Variants in RALYL observed in about 807,000 individuals in gnomAD.
RALYL encodes the protein RALY RNA binding protein like, also known as RNA-binding Raly-like protein.
In RALYL, 29 loss-of-function variants were observed where a neutral mutation model predicts 35.1. The observed-to-expected ratio is 0.83, with a 90% CI of 0.61 to 1.13. RALYL has a LOEUF of 1.13. Ranked by LOEUF, RALYL falls within the 50% of genes most tolerant of loss-of-function variation. The probability of loss-of-function intolerance (pLI) is 0.00; values close to 1 mark genes in which losing one functional copy is unlikely to be tolerated. For missense variants in RALYL, 359 were observed against 360.4 expected, an observed-to-expected ratio of 1.00 and a Z score of 0.03; for synonymous variants, 120 against 127.6, an observed-to-expected ratio of 0.94 and a Z score of 0.40.
At chr8:84,811,967 C>T (rs1032872985) in intron 4 of RALYL, among the ~76,000 whole-genome samples, 7 of 152,258 alleles carry the variant, frequency 4.6e-5, no homozygotes, top group Admixed American at 4.6e-4. Context: ...CCCTGATTAG[C>T]TTAATAACTA....
At chr8:84,691,628 C>T (rs547152292) in intron 2 of RALYL, among the ~76,000 whole-genome samples, 37 of 152,054 alleles carry the variant, frequency 2.4e-4, no homozygotes, top group African/African-American at 8.4e-4. Flanking sequence ...TTCCTCCCCC[C>T]TCCCCTCATA....
Position 84,419,498 on chromosome 8 carries a change from C to A in RALYL, c.-23-109801C>A, listed in dbSNP as rs368103523. 2.3e-4 allele frequency among the ~76,000 whole-genome samples: 35 copies of A among 152,070 alleles called. No individual in the cohort carries two copies. In the South Asian group the frequency reaches 6.4e-3, roughly 28 times the overall value. On this transcript the variant is annotated intron_variant, in intron 1 of 8. Transcript: ENST00000521268. ...TAATAATTTACTTGGCTAGTACTATCCTGAGAAGTCTATTAGAACTGCTAC... is the reference window on the plus strand; with the variant it reads ...TAATAATTTACTTGGCTAGTACTATACTGAGAAGTCTATTAGAACTGCTAC...
At chr8:84,425,153 C>T (rs983219066) in intron 1 of RALYL, among the ~76,000 whole-genome samples, 4 of 152,196 alleles carry the variant, frequency 2.6e-5, no homozygotes, top group African/African-American at 9.6e-5. Flanking sequence ...CCCAGCCTCG[C>T]TGCTACCTTG....
rs552377862 is a variant in RALYL, at chr8:84,289,417, C to A, written c.-24+104993C>A. Among the ~76,000 whole-genome samples, 11 of 152,214 alleles carry A rather than the reference C, an allele frequency of 7.2e-5. No homozygotes were observed. The East Asian group carries it at 1.9e-3, about 27-fold the overall frequency. The stretch of plus-strand genomic sequence containing the variant: ...CGGAGTTTTTCCAAGCTGAGGAGAA[C>A]CCTAAGGTCTTTTTGATCAATGCTT... On this transcript the variant is annotated intron_variant, in intron 1 of 8. Transcript: ENST00000521268.
chr8:84,627,094 T>C (rs886818358), intron 2 of RALYL, among the ~76,000 whole-genome samples: 10 of 152,102 alleles, frequency 6.6e-5, no homozygotes, highest in Non-Finnish European at 1.3e-4. Context: ...ATATCCAAAA[T>C]CTGTTACAAC....
intron 2 of RALYL, among the ~76,000 whole-genome samples, chr8:84,592,198 C>T (rs1813458442): frequency 6.6e-6 from 1 of 152,154 alleles, no homozygotes; most frequent in Non-Finnish European, 1.5e-5. Flanking sequence ...TCATAACTTG[C>T]TCTGTTTCCA....
In RALYL at chr8:84,834,147, G is replaced by A. The variant is rs1009882983; in HGVS notation, c.366-15833G>A. On this transcript the variant is annotated intron_variant, in intron 4 of 8. Transcript: ENST00000521268. ...CTGTAAATGGACAAGTGTACTCTTC[G>A]ACTACGTGTCACATATGGTTATTCT... is the stretch of plus-strand genomic sequence containing the variant. 9.2e-5 allele frequency among the ~76,000 whole-genome samples: 14 copies of A among 152,090 alleles called. 1 individual carries two copies. The highest frequency in any genetic ancestry group is 5.2e-4 in the Admixed American group (8 of 15,268).
chr8:84,515,629 G>T lies in RALYL; in HGVS notation c.-23-13670G>T, dbSNP rs138511404. Among the ~76,000 whole-genome samples the T allele has an allele frequency of 8.3e-3, 1,261 of 152,114 alleles. 19 individuals are homozygous for T. Among genetic ancestry groups the T allele is most frequent in the African/African-American group, 0.028 (1,172 of 41,482 alleles). On this transcript the variant is annotated intron_variant, in intron 1 of 8. Transcript: ENST00000521268. ...TCTTTCAATCCATTTAATTTACATAGTCTCTTCTATTTGATTTAGATTGTT... is the reference window on the plus strand; with the variant it reads ...TCTTTCAATCCATTTAATTTACATATTCTCTTCTATTTGATTTAGATTGTT...
chr8:84,612,899 T>C (rs1415489440), intron 2 of RALYL, among the ~76,000 whole-genome samples: 1 of 151,688 alleles, frequency 6.6e-6, no homozygotes, highest in Non-Finnish European at 1.5e-5. Flanking sequence ...CACCACTGCA[T>C]GTAAATTGCT....
chr8:84,779,177 A>G (rs1026907187), intron 3 of RALYL, among the ~76,000 whole-genome samples: 1 of 152,222 alleles, frequency 6.6e-6, no homozygotes, highest in African/African-American at 2.4e-5. Context: ...ACATTACACA[A>G]TATCTGTGGC....
intron 2 of RALYL, among the ~76,000 whole-genome samples, chr8:84,697,157 T>C (rs1423346090): frequency 6.6e-6 from 1 of 151,926 alleles, no homozygotes; most frequent in East Asian, 1.9e-4. Flanking sequence ...AAATTGGAAA[T>C]AATTAGAAAT....
In RALYL at chr8:84,751,268, C is replaced by T. The variant is rs540293580; in HGVS notation, c.257-23311C>T. Among the ~76,000 whole-genome samples the T allele has an allele frequency of 4.6e-5, 7 of 152,162 alleles. No individual in the cohort carries two copies. In the South Asian group the frequency reaches 1.0e-3, roughly 23 times the overall value. ...TATCACCCAGGCTAGGGTGCAGTGG[C>T]ATGATCTTGGCTCACTGCAACCTCC... On this transcript the variant is annotated intron_variant, in intron 2 of 8. Transcript: ENST00000521268.
intron 1 of RALYL, among the ~76,000 whole-genome samples, chr8:84,458,259 A>G (rs978127698): frequency 1.3e-5 from 2 of 151,872 alleles, no homozygotes; most frequent in African/African-American, 4.8e-5. Flanking sequence ...CAAAGATGAT[A>G]AATGTGTAGT....
At chr8:84,689,070 C>CTT (rs543112839) in intron 2 of RALYL, among the ~76,000 whole-genome samples, 59 of 146,336 alleles carry the variant, frequency 4.0e-4, no homozygotes, top group African/African-American at 1.4e-3. Flanking sequence ...GACTTTTTTT[C>CTT]TTTTTTTTTT....
At chr8:84,847,054 G>A (rs1338212535) in intron 4 of RALYL, among the ~76,000 whole-genome samples, 1 of 152,058 alleles carries the variant, frequency 6.6e-6, no homozygotes, top group Non-Finnish European at 1.5e-5. Context: ...TGTTAATTTG[G>A]GAGTTTTCTA....
chr8:84,868,424 C>T (rs1839580780), intron 6 of RALYL, among the ~76,000 whole-genome samples: 1 of 152,136 alleles, frequency 6.6e-6, no homozygotes, highest in African/African-American at 2.4e-5. Context: ...AAACTCCTGG[C>T]TCAAGCAACT....
intron 2 of RALYL, among the ~76,000 whole-genome samples, chr8:84,650,739 T>G (rs1271320127): frequency 2.6e-5 from 4 of 151,760 alleles, no homozygotes; most frequent in Admixed American, 6.6e-5. Context: ...CCCAAAGGAC[T>G]ATAAATCATG....
intron 2 of RALYL, among the ~76,000 whole-genome samples, chr8:84,723,619 C>T (rs901845136): frequency 2.0e-5 from 3 of 151,848 alleles, no homozygotes; most frequent in African/African-American, 7.2e-5. Context: ...TGTGTCTTTC[C>T]ATCTTTCTTC....
intron 2 of RALYL, among the ~76,000 whole-genome samples, chr8:84,727,600 C>A (rs950251375): frequency 2.6e-5 from 4 of 151,234 alleles, no homozygotes; most frequent in Non-Finnish European, 5.9e-5. Flanking sequence ...ATAGGTATAT[C>A]TCCCAATGCT....
Sources: allele counts gnomAD v4.1 joint callset (sites outside exome capture counted in the v4.1 genomes callset), GRCh38; gene constraint gnomAD v4.1.1; transcripts MANE v1.5; gene names NCBI Gene and HGNC (gene_info 2026-07-23, HGNC 2026-07-21).